ADAM19: variants seen among roughly 807,000 people sequenced by gnomAD.
ADAM19 encodes the protein ADAM metallopeptidase domain 19.
Under a neutral mutation model 114.7 loss-of-function variants are expected in ADAM19, and 65 were observed. That is an observed-to-expected ratio of 0.57 (90% CI 0.46 to 0.70). The LOEUF is 0.70. Ranked by LOEUF, ADAM19 falls within the 30% of genes least tolerant of loss-of-function variation. The pLI, the probability that ADAM19 is intolerant of heterozygous loss-of-function variation, is 0.00. For missense variants in ADAM19, 1,063 were observed against 1,204.7 expected (o/e 0.88, Z 1.74); for synonymous variants, 466 against 460.5 (o/e 1.01, Z -0.15).
intron 1 of ADAM19, among the ~76,000 whole-genome samples, chr5:157,572,695 T>C (rs538151604): frequency 3.0e-4 from 46 of 152,320 alleles, no homozygotes; most frequent in African/African-American, 9.4e-4. Context: ...TCTGAGTACT[T>C]AACTATGTGC....
intron 17 of ADAM19, 36 bp downstream of exon 17, chr5:157,491,799 C>T: frequency 6.2e-7 from 1 of 1,613,650 alleles, no homozygotes; most frequent in Non-Finnish European, 8.5e-7. Flanking sequence ...CTCATGACGT[C>T]CCCATGACAC....
chr5:157,480,240 T>A lies in ADAM19; in HGVS notation c.*709A>T, dbSNP rs1754704224. ...GAGTCAGGAGTCGCAACCTTTGGCA[T>A]CACGGCTCAGAGGAAGCCCAAGCCC... On this transcript the variant is annotated 3_prime_UTR_variant, in exon 23 of 23. Coordinates refer to ENST00000257527, the MANE Select transcript of ADAM19 (RefSeq NM_033274.5). 2.0e-6 allele frequency: 2 copies of A among 985,900 alleles called. No homozygotes were observed. Among genetic ancestry groups the A allele is most frequent in the Non-Finnish European group, 2.4e-6 (2 of 830,034 alleles). The allele number at this position is 985,900 out of a possible 1,614,324, so 61.1% of individuals were successfully genotyped here.
intron 21 of ADAM19, among the ~76,000 whole-genome samples, chr5:157,483,198 T>G (rs964521629): frequency 1.1e-4 from 16 of 149,958 alleles, no homozygotes; most frequent in African/African-American, 3.7e-4. Context: ...ACCCCAGAAC[T>G]TAAAGTATAA....
chr5:157,492,992 G>T lies in ADAM19; in HGVS notation c.1889C>A (p.Thr630Asn), dbSNP rs780604591. The T allele has an allele frequency of 1.2e-6, 2 of 1,614,066 alleles. No homozygotes were observed. The highest frequency in any genetic ancestry group is 1.7e-5 in the Admixed American group (1 of 59,996). ...MLDPGLVMTG[T>N]KCGYNHICFE... ...ACTCACATGGTTGTAGCCACACTTG[G>T]TTCCAGTCATCACCAGCCCTGGGTC... Residue 630 changes from threonine (T) to asparagine (N), a missense_variant, in exon 16 of 23, where the codon ACC (threonine) becomes AAC (asparagine). By Grantham distance (65) the Thr-to-Asn change is moderately conservative. Coordinates refer to ENST00000257527, the MANE Select transcript of ADAM19 (RefSeq NM_033274.5).
intron 1 of ADAM19, among the ~76,000 whole-genome samples, chr5:157,571,235 C>T (rs1468471323): frequency 6.6e-6 from 1 of 152,122 alleles, no homozygotes; most frequent in Non-Finnish European, 1.5e-5. Context: ...GCTAAGTACC[C>T]TGAATAAAAT....
At chr5:157,507,633 G>A (rs897267169) in intron 9 of ADAM19, among the ~76,000 whole-genome samples, 4 of 152,176 alleles carry the variant, frequency 2.6e-5, no homozygotes, top group African/African-American at 4.8e-5. Flanking sequence ...CTGTGGGGCC[G>A]ATGATGCTTC....
intron 19 of ADAM19, 38 bp from the exon 20 acceptor site, chr5:157,489,224 G>T: frequency 2.0e-6 from 3 of 1,484,980 alleles, no homozygotes; most frequent in Non-Finnish European, 2.8e-6. Flanking sequence ...GAAAGGGGAC[G>T]ATGTTCAGCA....
chr5:157,486,433 G>T (rs1404330117), intron 21 of ADAM19, among the ~76,000 whole-genome samples: 1 of 152,140 alleles, frequency 6.6e-6, no homozygotes, highest in Non-Finnish European at 1.5e-5. Context: ...GTTTTGGGGT[G>T]CCTGCCACTG....
intron 19 of ADAM19, 51 bp downstream of exon 19, chr5:157,490,259 C>T: frequency 6.2e-7 from 1 of 1,603,364 alleles, no homozygotes; most frequent in South Asian, 1.1e-5. Flanking sequence ...TTTATGGAGA[C>T]CTTTGTGACC....
intron 8 of ADAM19, among the ~76,000 whole-genome samples, chr5:157,510,472 CA>C (rs1420099017): frequency 1.3e-5 from 2 of 150,378 alleles, no homozygotes; most frequent in South Asian, 2.1e-4. Context: ...AACTCCGTCT[CA>C]AAAAAAAATA....
Position 157,493,084 on chromosome 5 carries a change from A to G in ADAM19, c.1797T>C (p.Asn599=). ...TGCCCCGGCACTGGATCTGCCTCCC[A>G]TTCATGATGATAGTGGTGTCAATGG... is the stretch of plus-strand genomic sequence containing the variant. ...AVPIDTTIIM[N]GRQIQCRGTH... The change falls in exon 16 of 23, where the codon AAT becomes AAC. Residue 599 remains asparagine (N), a synonymous_variant. Transcript: ENST00000257527. 2.5e-6 allele frequency: 4 copies of G among 1,614,160 alleles called. No homozygotes were observed. The highest frequency in any genetic ancestry group is 3.4e-6 in the Non-Finnish European group (4 of 1,180,022).
intron 5 of ADAM19, among the ~76,000 whole-genome samples, chr5:157,521,987 C>G (rs1055637738): frequency 6.6e-6 from 1 of 152,168 alleles, no homozygotes; most frequent in African/African-American, 2.4e-5. Flanking sequence ...AGGGAAAGTT[C>G]CAATGGAGGT....
intron 13 of ADAM19, 136 bp downstream of exon 13, chr5:157,499,437 G>T: frequency 1.3e-6 from 1 of 757,334 alleles, no homozygotes; most frequent in East Asian, 2.7e-5. Context: ...CACCTTTTCC[G>T]CTCTGTGTTT....
chr5:157,493,193 A>G lies in ADAM19; in HGVS notation c.1704-16T>C, dbSNP rs1311789664. 3 of 1,609,448 alleles carry G rather than the reference A, an allele frequency of 1.9e-6. No homozygotes were observed. Among genetic ancestry groups the G allele is most frequent in the African/African-American group, 2.7e-5 (2 of 74,870 alleles). On this transcript the variant is annotated splice_polypyrimidine_tract_variant and intron_variant, in intron 15 of 22. Coordinates refer to ENST00000257527, the MANE Select transcript of ADAM19 (RefSeq NM_033274.5). Reference sequence around the variant, plus strand: ...CTTCGCATCTCTGGGCACAAGAGACAGAGAGGGAAGGAAGCGGAATCAGAG... The same window carrying G: ...CTTCGCATCTCTGGGCACAAGAGACGGAGAGGGAAGGAAGCGGAATCAGAG...
At position 157,480,336 on chromosome 5, in the gene ADAM19, A is replaced by T; in HGVS notation, c.*613T>A. The T allele has an allele frequency of 1.0e-6, 1 of 986,826 alleles. No individual in the cohort carries two copies. The highest frequency in any genetic ancestry group is 4.7e-5 in the South Asian group (1 of 21,350). 61.1% of individuals were successfully genotyped at this position (986,826 alleles called of 1,614,324 possible). ...GAGTCAGAGTGACCCGTGTGAATAC[A>T]GGGATGCAGGGGTTTGGGGAGAGGT... On this transcript the variant is annotated 3_prime_UTR_variant, in exon 23 of 23. Transcript: ENST00000257527.
chr5:157,507,778 T>C (rs775519028), intron 9 of ADAM19, among the ~76,000 whole-genome samples: 9 of 152,200 alleles, frequency 5.9e-5, no homozygotes, highest in Non-Finnish European at 1.3e-4. Flanking sequence ...GCAAGCTTCA[T>C]TTTCCCCAGT....
Position 157,480,522 on chromosome 5 carries a change from T to C in ADAM19, c.*427A>G. On this transcript the variant is annotated 3_prime_UTR_variant, in exon 23 of 23. Coordinates refer to ENST00000257527, the MANE Select transcript of ADAM19 (RefSeq NM_033274.5). ...CAGCCTCCATCCAGCCCGGGACCTC[T>C]GAGGAGAGCAGAAGCAATGGGAAGC... 1 of 1,009,104 alleles carries C rather than the reference T, an allele frequency of 9.9e-7. No homozygotes were observed. Among genetic ancestry groups the C allele is most frequent in the African/African-American group, 1.7e-5 (1 of 57,854 alleles). 62.5% of individuals were successfully genotyped at this position (1,009,104 alleles called of 1,614,324 possible). A position where few individuals can be genotyped will look rare whatever the true frequency, so the allele number is the denominator to read the frequency against.
At chr5:157,494,861 T>C in intron 14 of ADAM19, 66 bp from the exon 15 acceptor site, 1 of 1,297,646 alleles carries the variant, frequency 7.7e-7, no homozygotes, top group South Asian at 1.2e-5. Context: ...CAAAGGTATC[T>C]TTGGTAAAGT....
intron 3 of ADAM19, among the ~76,000 whole-genome samples, chr5:157,555,762 G>A (rs1445271410): frequency 6.6e-5 from 10 of 152,164 alleles, no homozygotes. Context: ...AGCTTGAGAG[G>A]TCAGAAGAAT....
Sources: gnomAD v4.1 joint callset for allele counts (sites outside exome capture counted in the v4.1 genomes callset) on GRCh38, gnomAD v4.1.1 for gene constraint, MANE v1.5 for transcripts, NCBI Gene and HGNC (gene_info 2026-07-23, HGNC 2026-07-21) for gene names.